The following PHKG2 variants were observed in gnomAD, a reference collection of about 807,000 sequenced individuals.
PHKG2 encodes phosphorylase kinase catalytic subunit gamma 2.
Under a neutral mutation model 44.5 loss-of-function variants are expected in PHKG2, and 28 were observed. The ratio of observed to expected loss-of-function variants is 0.63; its 90% CI spans 0.47 to 0.86. PHKG2 has a LOEUF of 0.86. Ranked by LOEUF, PHKG2 falls within the 40% of genes least tolerant of loss-of-function variation. The pLI is 0.00. For synonymous variants in PHKG2, 220 were observed against 211.2 expected (o/e 1.04, Z -0.36); for missense variants, 498 against 547.5 (o/e 0.91, Z 0.90).
rs541595921 is a variant in PHKG2, at chr16:30,758,734, T to G, written c.*1637T>G. 3 of 450,210 alleles carry G rather than the reference T, an allele frequency of 6.7e-6. No individual in the cohort carries two copies. The highest frequency in any genetic ancestry group is 1.2e-5 in the Non-Finnish European group (3 of 249,544). 27.9% of individuals were successfully genotyped at this position (450,210 alleles called of 1,614,324 possible). A position where few individuals can be genotyped will look rare whatever the true frequency, so the allele number is the denominator to read the frequency against. On this transcript the variant is annotated 3_prime_UTR_variant, in exon 10 of 10. Coordinates refer to ENST00000563588, the MANE Select transcript of PHKG2 (RefSeq NM_000294.3). ...CCATGCCTGGCTATTTTTTGTATTT[T>G]AGTAGATAGGGGGTTTCACGGTGTT...
Position 30,760,165 on chromosome 16 carries a change from G to C in PHKG2, c.*3068G>C, listed in dbSNP as rs752935164. 1 of 1,592,978 alleles carries C rather than the reference G, an allele frequency of 6.3e-7. No homozygotes were observed. The highest frequency in any genetic ancestry group is 8.5e-7 in the Non-Finnish European group (1 of 1,175,632). ...AAGCTGATGGCTTGTGTATGATGAT[G>C]CTACTAATAATGACATATTCCAGGC... On this transcript the variant is annotated 3_prime_UTR_variant, in exon 10 of 10. Transcript: ENST00000563588.
At position 30,758,018 on chromosome 16, in the gene PHKG2, G is replaced by A. The variant is rs756773062; in HGVS notation, c.*921G>A. On this transcript the variant is annotated 3_prime_UTR_variant, in exon 10 of 10. Transcript: ENST00000563588. ...ATGTAAAATGCTTAGAGCAGGGCAT[G>A]CACTGCACACCTATTGCCAAGTATG... The A allele has an allele frequency of 1.7e-4, 35 of 209,132 alleles. No individual in the cohort carries two copies. The highest frequency in any genetic ancestry group is 2.9e-4 in the Non-Finnish European group (31 of 107,956). The allele number at this position is 209,132 out of a possible 1,614,324, so 13.0% of individuals were successfully genotyped here. A position where few individuals can be genotyped will look rare whatever the true frequency, so the allele number is the denominator to read the frequency against.
chr16:30,748,781 A>G, intron 1 of PHKG2, 22 bp from the exon 2 acceptor site: 1 of 1,445,116 alleles, frequency 6.9e-7, no homozygotes, highest in Non-Finnish European at 9.4e-7. Context: ...CCCTGCCCTC[A>G]CTGCCCTCCT....
chr16:30,760,981 A>T lies in PHKG2; in HGVS notation c.*3884A>T. ...TACAATACTCCTTAGCGGCCATGAG[A>T]CTCCATTTACATTCTGTCTTTGGCT... On this transcript the variant is annotated 3_prime_UTR_variant, in exon 10 of 10. Coordinates refer to ENST00000563588, the MANE Select transcript of PHKG2 (RefSeq NM_000294.3). 1 of 619,286 alleles carries T rather than the reference A, an allele frequency of 1.6e-6. No homozygotes were observed. The highest frequency in any genetic ancestry group is 2.8e-6 in the Non-Finnish European group (1 of 354,308). 38.4% of individuals were successfully genotyped at this position (619,286 alleles called of 1,614,324 possible).
chr16:30,757,429 G>A lies in PHKG2; in HGVS notation c.*332G>A. 6.3e-7 allele frequency: 1 copy of A among 1,588,502 alleles called. No individual in the cohort carries two copies. The highest frequency in any genetic ancestry group is 1.2e-5 in the South Asian group (1 of 86,338). On this transcript the variant is annotated 3_prime_UTR_variant, in exon 10 of 10. Transcript: ENST00000563588. ...CAGAAGGTGCTCAGCAGGGTGCAGGGATGGTGCCATTCTGGCCCAGACCTT... is the reference window on the plus strand; with the variant it reads ...CAGAAGGTGCTCAGCAGGGTGCAGGAATGGTGCCATTCTGGCCCAGACCTT...
At chr16:30,754,612 G>A (rs2053392136) in intron 6 of PHKG2, among the ~76,000 whole-genome samples, 1 of 152,332 alleles carries the variant, frequency 6.6e-6, no homozygotes, top group Middle Eastern at 3.4e-3. Context: ...AACTTGGACA[G>A]TCTGACTCCA....
chr16:30,760,566 C>A lies in PHKG2; in HGVS notation c.*3469C>A. The A allele has an allele frequency of 6.3e-7, 1 of 1,577,408 alleles. No individual in the cohort carries two copies. Among genetic ancestry groups the A allele is most frequent in the Non-Finnish European group, 8.6e-7 (1 of 1,161,046 alleles). ...TGTTTTCCCAACCTGACCCCTCAGCCTTTGCCAAGAGCTCTTCCCACGCCC... is the reference window on the plus strand; with the variant it reads ...TGTTTTCCCAACCTGACCCCTCAGCATTTGCCAAGAGCTCTTCCCACGCCC... On this transcript the variant is annotated 3_prime_UTR_variant, in exon 10 of 10. Coordinates refer to ENST00000563588, the MANE Select transcript of PHKG2 (RefSeq NM_000294.3).
chr16:30,749,112 G>C lies in PHKG2; in HGVS notation c.95+197G>C, dbSNP rs865879116. On this transcript the variant is annotated intron_variant, in intron 2 of 9. Coordinates refer to ENST00000563588, the MANE Select transcript of PHKG2 (RefSeq NM_000294.3). ...GGTGCTGCTGCTGCTGCTGCTGCTG[G>C]TGGTGCTGGTGCTGGTGGTGGTGGT... Among the ~76,000 whole-genome samples, 39 of 44,800 alleles carry C rather than the reference G, an allele frequency of 8.7e-4. 10 individuals are homozygous for C. The highest frequency in any genetic ancestry group is 2.3e-3 in the African/African-American group (30 of 12,780). The allele number at this position is 44,800 out of a possible 152,430, so 29.4% of individuals were successfully genotyped here.
In PHKG2 at chr16:30,756,631, A is replaced by G; in HGVS notation, c.843A>G (p.Thr281=). 1 of 1,614,046 alleles carries G rather than the reference A, an allele frequency of 6.2e-7. No homozygotes were observed. Among genetic ancestry groups the G allele is most frequent in the Non-Finnish European group, 8.5e-7 (1 of 1,180,008 alleles). The change falls in exon 9 of 10, where the codon ACA becomes ACG. Residue 281 remains threonine (T), a synonymous_variant. Transcript: ENST00000563588. ...AGGTGGATCCTGAGGCACGCCTGAC[A>G]GCTGAGCAGGCCCTACAGCACCCCT... ...LLQVDPEARL[T]AEQALQHPFF... is the part of the protein sequence containing the mutation.
At chr16:30,749,127 G>GTGGTGGTGC (rs2053303741) in intron 2 of PHKG2, among the ~76,000 whole-genome samples, 1 of 48,872 alleles carries the variant, frequency 2.0e-5, no homozygotes, top group African/African-American at 6.0e-5. Context: ...GCTGGTGCTG[G>GTGGTGGTGC]TGGTGGTGGT....
chr16:30,753,636 C>G, intron 6 of PHKG2, 79 bp downstream of exon 6: 1 of 1,399,180 alleles, frequency 7.1e-7, no homozygotes, highest in South Asian at 1.2e-5. Context: ...GTCTGAGTAC[C>G]AAGTCCCTGG....
rs1488612572 is a variant in PHKG2, at chr16:30,759,141, T to TGGCCC, written c.*2045_*2049dup. 1.2e-6 allele frequency: 2 copies of TGGCCC among 1,614,204 alleles called. No homozygotes were observed. The highest frequency in any genetic ancestry group is 1.7e-6 in the Non-Finnish European group (2 of 1,180,026). ...CAGGAAGAGACTGTGGCCCCAGGCC[T>TGGCCC]GGCCCAGCCCAGCCCTGCCCTGGCA... On this transcript the variant is annotated 3_prime_UTR_variant, in exon 10 of 10. Coordinates refer to ENST00000563588, the MANE Select transcript of PHKG2 (RefSeq NM_000294.3).
chr16:30,760,473 T>G lies in PHKG2; in HGVS notation c.*3376T>G, dbSNP rs1340336716. 6.2e-7 allele frequency: 1 copy of G among 1,612,428 alleles called. No homozygotes were observed. The highest frequency in any genetic ancestry group is 2.2e-5 in the East Asian group (1 of 44,856). On this transcript the variant is annotated 3_prime_UTR_variant, in exon 10 of 10. Coordinates refer to ENST00000563588, the MANE Select transcript of PHKG2 (RefSeq NM_000294.3). ...AGCACCCTTGGGAGGGAGAGAGGAG[T>G]GAGTGACAACTGGGCCTCCTTTCAT...
In PHKG2 at chr16:30,756,999, C is replaced by G. The variant is rs1169298072; in HGVS notation, c.1123C>G (p.Gln375Glu). Residue 375 changes from glutamine (Q) to glutamate (E), a missense_variant, in exon 10 of 10, where the codon CAG becomes GAG. Coordinates refer to ENST00000563588, the MANE Select transcript of PHKG2 (RefSeq NM_000294.3). ...GCAGCAGAACCGGGCGGCTCTCTTT[C>G]AGCACCGGCCCCCTGGGCCTTTTCC... is the stretch of plus-strand genomic sequence containing the variant. The part of the protein sequence containing the change: ...GEQQNRAALF[Q>E]HRPPGPFPIM... 6.2e-7 allele frequency: 1 copy of G among 1,612,074 alleles called. No individual in the cohort carries two copies. The highest frequency in any genetic ancestry group is 1.1e-5 in the South Asian group (1 of 91,094).
chr16:30,749,044 TGGTGGTGGTGGTGGTGGTGG>T, intron 2 of PHKG2, 129 bp downstream of exon 2: 4 of 54,146 alleles, frequency 7.4e-5, no homozygotes, highest in Non-Finnish European at 1.7e-4. Context: ...GTGGTGGTGG[TGGTGGTGGTGGTGGTGGTGG>T]TGGTGGTGGT....
chr16:30,756,150 G>T (rs762197249), intron 6 of PHKG2, 32 bp from the exon 7 acceptor site: 2 of 1,509,262 alleles, frequency 1.3e-6, no homozygotes, highest in Non-Finnish European at 1.8e-6. Context: ...GGGGCTGGTG[G>T]CATCCCCTCA....
At chr16:30,756,316 T>C (rs1367877700) in intron 7 of PHKG2, 44 bp downstream of exon 7, 1 of 1,614,020 alleles carries the variant, frequency 6.2e-7, no homozygotes, top group Non-Finnish European at 8.5e-7. Flanking sequence ...TGCTGTCCTT[T>C]GCTGGGTCTG....
In PHKG2 at chr16:30,759,212, T is replaced by C. The variant is rs762177394; in HGVS notation, c.*2115T>C. The C allele has an allele frequency of 6.2e-7, 1 of 1,614,182 alleles. No individual in the cohort carries two copies. The highest frequency in any genetic ancestry group is 8.5e-7 in the Non-Finnish European group (1 of 1,180,030). On this transcript the variant is annotated 3_prime_UTR_variant, in exon 10 of 10. Transcript: ENST00000563588. ...TCTCTGGCCACAGTTTGGGTGGCTG[T>C]AGCCCCATGTAAGTCAAAGACAGAT... is the stretch of plus-strand genomic sequence containing the variant.
Position 30,756,790 on chromosome 16 carries a change from G to A in PHKG2, c.928-14G>A. The A allele has an allele frequency of 6.2e-7, 1 of 1,614,078 alleles. No individual in the cohort carries two copies. Among genetic ancestry groups the A allele is most frequent in the Non-Finnish European group, 8.5e-7 (1 of 1,180,024 alleles). ...TTTCCCCTGCACTAGAGCTCACCCT[G>A]CCCCCCTTCCCAGGTGGCAGTGTGG... On this transcript the variant is annotated splice_polypyrimidine_tract_variant and intron_variant, in intron 9 of 9. Coordinates refer to ENST00000563588, the MANE Select transcript of PHKG2 (RefSeq NM_000294.3).
Sources: gnomAD v4.1 joint callset for allele counts (sites outside exome capture counted in the v4.1 genomes callset) on GRCh38, gnomAD v4.1.1 for gene constraint, MANE v1.5 for transcripts, NCBI Gene and HGNC (gene_info 2026-07-23, HGNC 2026-07-21) for gene names.